The following PACS1 variants were observed in gnomAD, a reference collection of about 807,000 sequenced individuals.
PACS1 encodes the protein PACS-1.
Under a neutral mutation model 115.0 loss-of-function variants are expected in PACS1, and 24 were observed. The observed-to-expected ratio is 0.21, with a 90% CI of 0.15 to 0.29. The LOEUF (loss-of-function observed/expected upper bound fraction) is 0.29, where lower values mean the gene tolerates loss of function less well. Among genes scored for constraint, PACS1 ranks in the 10% least tolerant of loss-of-function variants. The pLI is 1.00. For missense variants in PACS1, 838 were observed against 1,251.2 expected, an observed-to-expected ratio of 0.67 and a Z score of 4.98; for synonymous variants, 453 against 504.5, an observed-to-expected ratio of 0.90 and a Z score of 1.37.
In PACS1 at chr11:66,202,726, G is replaced by GGAAAA. The variant is rs1554988658; in HGVS notation, c.445-7636_445-7635insGAAAA. 6.8e-3 allele frequency among the ~76,000 whole-genome samples: 74 copies of GGAAAA among 10,936 alleles called. 4 individuals carry two copies. The highest frequency in any genetic ancestry group is 8.8e-3 in the Non-Finnish European group (44 of 5,024). 7.2% of individuals were successfully genotyped at this position (10,936 alleles called of 152,430 possible). On this transcript the variant is annotated intron_variant, in intron 2 of 23. Coordinates refer to ENST00000320580, the MANE Select transcript of PACS1 (RefSeq NM_018026.4). ...CAACATGGCAAAACCTCATCTCTAG[G>GGAAAA]AAAAAAAAAAAAAAAAATATATATA... is the stretch of plus-strand genomic sequence containing the variant.
In PACS1 at chr11:66,227,550, A is replaced by C. The variant is rs1855492027; in HGVS notation, c.1340A>C (p.Asn447Thr). The change falls in exon 11 of 24, where the codon AAC (asparagine) becomes ACC (threonine). Residue 447 changes from asparagine to threonine, a missense_variant. This residue lies in a region of PACS1 where 383 missense variants were observed against 537.0 expected (regional missense o/e 0.71). Transcript: ENST00000320580. ...LEKIKSTWIKNQDDSLTETDT... is the reference protein window; with the variant it reads ...LEKIKSTWIKTQDDSLTETDT... ...AAAATTAAATCTACTTGGATTAAAA[A>C]CCAAGATGACAGCTTGACTGAAACA... 1 of 1,611,590 alleles carries C rather than the reference A, an allele frequency of 6.2e-7. No individual in the cohort carries two copies. Among genetic ancestry groups the C allele is most frequent in the Non-Finnish European group, 8.5e-7 (1 of 1,178,468 alleles).
chr11:66,135,302 A>G (rs969679696), intron 1 of PACS1, among the ~76,000 whole-genome samples: 2 of 152,160 alleles, frequency 1.3e-5, no homozygotes, highest in African/African-American at 2.4e-5. Flanking sequence ...TGGTGTGTCC[A>G]TATCAAAAAG....
At chr11:66,229,126 G>A (rs1257044288) in intron 11 of PACS1, among the ~76,000 whole-genome samples, 3 of 140,410 alleles carry the variant, frequency 2.1e-5, no homozygotes, top group Non-Finnish European at 4.5e-5. Context: ...TGTAATCCCA[G>A]TACTTTTGGG....
intron 1 of PACS1, among the ~76,000 whole-genome samples, chr11:66,180,358 T>G (rs926470975): frequency 3.3e-5 from 5 of 151,892 alleles, no homozygotes; most frequent in African/African-American, 7.3e-5. Context: ...CAGCTTTTTT[T>G]TTTGTGTGTG....
chr11:66,105,313 C>T (rs1027807738), intron 1 of PACS1, among the ~76,000 whole-genome samples: 11 of 152,170 alleles, frequency 7.2e-5, no homozygotes, highest in Non-Finnish European at 1.2e-4. Flanking sequence ...ATCCCAGCTA[C>T]TCCAGAGGCT....
intron 1 of PACS1, among the ~76,000 whole-genome samples, chr11:66,156,553 T>A (rs9736673): frequency 0.24 from 36,579 of 151,642 alleles, 4,851 homozygotes; most frequent in African/African-American, 0.35. Flanking sequence ...CCTAAAGTTG[T>A]TTTTTAAAAA....
At chr11:66,174,592 G>A (rs1328219495) in intron 1 of PACS1, among the ~76,000 whole-genome samples, 1 of 152,180 alleles carries the variant, frequency 6.6e-6, no homozygotes, top group African/African-American at 2.4e-5. Context: ...ACTGATGCAT[G>A]CTACAAATGG....
chr11:66,222,845 C>A lies in PACS1; in HGVS notation c.1293+1598C>A, dbSNP rs377284622. 8.3e-4 allele frequency among the ~76,000 whole-genome samples: 127 copies of A among 152,192 alleles called. 3 individuals carry two copies. The South Asian group carries it at 0.026, about 31-fold the overall frequency. ...CCCCTGGCTGCCCTTCTGCCTGTTG[C>A]CACCAGGTGGGGCTCTCTCCCAGCT... On this transcript the variant is annotated intron_variant, in intron 10 of 23. Coordinates refer to ENST00000320580, the MANE Select transcript of PACS1 (RefSeq NM_018026.4).
intron 7 of PACS1, chr11:66,218,844 G>C (rs1855273138): frequency 6.8e-6 from 1 of 147,200 alleles, no homozygotes; most frequent in Non-Finnish European, 1.5e-5. Flanking sequence ...TGGCAACAGA[G>C]CAAGACTCCA....
At chr11:66,200,956 C>CA (rs1466546643) in intron 2 of PACS1, among the ~76,000 whole-genome samples, 2 of 151,646 alleles carry the variant, frequency 1.3e-5, no homozygotes, top group African/African-American at 4.8e-5. Context: ...TGTGGTGACT[C>CA]ACGCCTGTAA....
In PACS1 at chr11:66,221,240, C is replaced by T. The variant is rs760985201; in HGVS notation, c.1286C>T (p.Thr429Ile). Residue 429 changes from threonine to isoleucine, a missense_variant, in exon 10 of 24, where the codon ACC becomes ATC. Physicochemically the swap from Thr to Ile is moderately conservative, Grantham distance 89. Coordinates refer to ENST00000320580, the MANE Select transcript of PACS1 (RefSeq NM_018026.4). ...NSKGSLGKDT[T>I]SPMELAALEK... ...AAAGGCAGCCTCGGAAAAGACACCACCAGCCCTGTGAGCGCAACCGCGACT... is the reference window on the plus strand; with the variant it reads ...AAAGGCAGCCTCGGAAAAGACACCATCAGCCCTGTGAGCGCAACCGCGACT... 2 of 1,614,154 alleles carry T rather than the reference C, an allele frequency of 1.2e-6. No individual in the cohort carries two copies. The highest frequency in any genetic ancestry group is 1.7e-6 in the Non-Finnish European group (2 of 1,179,968).
At chr11:66,199,469 T>C (rs1486914189) in intron 2 of PACS1, among the ~76,000 whole-genome samples, 1 of 151,888 alleles carries the variant, frequency 6.6e-6, no homozygotes, top group Non-Finnish European at 1.5e-5. Context: ...GCAAGCCTCA[T>C]GGTAACTGCA....
chr11:66,107,151 C>G (rs1006459216), intron 1 of PACS1, among the ~76,000 whole-genome samples: 28 of 152,208 alleles, frequency 1.8e-4, no homozygotes, highest in Admixed American at 1.5e-3. Context: ...GGACAGCACC[C>G]TCCCCCAGTC....
At chr11:66,099,129 C>T (rs966277834) in intron 1 of PACS1, among the ~76,000 whole-genome samples, 4 of 152,176 alleles carry the variant, frequency 2.6e-5, no homozygotes, top group African/African-American at 4.8e-5. Context: ...CTGCAACCTC[C>T]GCCTCCAGGG....
At chr11:66,128,076 G>GAA (rs909550092) in intron 1 of PACS1, among the ~76,000 whole-genome samples, 2 of 152,052 alleles carry the variant, frequency 1.3e-5, no homozygotes, top group Admixed American at 1.3e-4. Context: ...ATCATAAGGG[G>GAA]AAAAGGTGAG....
At chr11:66,150,191 C>T (rs1859205908) in intron 1 of PACS1, among the ~76,000 whole-genome samples, 2 of 152,188 alleles carry the variant, frequency 1.3e-5, no homozygotes, top group African/African-American at 4.8e-5. Context: ...TTATTCTCTA[C>T]AGCAATTGGA....
At chr11:66,160,489 T>C (rs1859461286) in intron 1 of PACS1, among the ~76,000 whole-genome samples, 1 of 151,928 alleles carries the variant, frequency 6.6e-6, no homozygotes, top group Non-Finnish European at 1.5e-5. Context: ...TTATAGGAAA[T>C]GTGGGATATA....
At chr11:66,111,377 A>G (rs1426631294) in intron 1 of PACS1, among the ~76,000 whole-genome samples, 1 of 152,182 alleles carries the variant, frequency 6.6e-6, no homozygotes, top group African/African-American at 2.4e-5. Context: ...TCTATAATCC[A>G]CTTCTTAGCT....
intron 1 of PACS1, among the ~76,000 whole-genome samples, chr11:66,096,554 A>G (rs1857787245): frequency 7.0e-6 from 1 of 143,080 alleles, no homozygotes; most frequent in Admixed American, 7.2e-5. Flanking sequence ...CCCAGGCTGG[A>G]GTGCAATGGC....
Sources: gnomAD v4.1 joint callset for allele counts (sites outside exome capture counted in the v4.1 genomes callset) on GRCh38, gnomAD v4.1.1 for gene constraint, gnomAD v4.1.1 regional missense constraint, MANE v1.5 for transcripts, NCBI Gene and HGNC (gene_info 2026-07-23, HGNC 2026-07-21) for gene names.